Variants in SLC44A1 observed in about 807,000 individuals in gnomAD.
SLC44A1 encodes the protein choline transporter-like protein 1.
A neutral mutation model predicts 79.3 loss-of-function variants in SLC44A1; 26 were observed. The ratio of observed to expected loss-of-function variants is 0.33; its 90% CI spans 0.24 to 0.46. SLC44A1 has a LOEUF of 0.46. Ranked by LOEUF, SLC44A1 falls within the 20% of genes least tolerant of loss-of-function variation. SLC44A1 has a pLI of 1.00. For synonymous variants in SLC44A1, 263 were observed against 286.2 expected (o/e 0.92, Z 0.82); for missense variants, 688 against 798.1 (o/e 0.86, Z 1.66).
intron 3 of SLC44A1, among the ~76,000 whole-genome samples, chr9:105,311,740 C>T (rs1262602986): frequency 1.3e-5 from 2 of 152,196 alleles, no homozygotes; most frequent in Non-Finnish European, 2.9e-5. Flanking sequence ...ACTTCATCTT[C>T]TCTTACTGTA....
intron 4 of SLC44A1, among the ~76,000 whole-genome samples, chr9:105,339,849 A>G (rs1827032503): frequency 6.6e-6 from 1 of 152,068 alleles, no homozygotes; most frequent in Non-Finnish European, 1.5e-5. Flanking sequence ...AACAAAAACA[A>G]AGAAAATGTG....
At chr9:105,318,955 T>A (rs1826294507) in intron 3 of SLC44A1, among the ~76,000 whole-genome samples, 1 of 152,096 alleles carries the variant, frequency 6.6e-6, no homozygotes, top group South Asian at 2.1e-4. Flanking sequence ...CTTGAGTTGG[T>A]TCTAGGTTAC....
intron 13 of SLC44A1, among the ~76,000 whole-genome samples, chr9:105,376,326 CACACACACACACACACACACACACT>C (rs1467370881): frequency 1.8e-4 from 24 of 136,638 alleles, no homozygotes; most frequent in African/African-American, 5.6e-4. Context: ...CACACACACA[CACACACACACACACACACACACACT>C]ACACACACAC....
intron 15 of SLC44A1, among the ~76,000 whole-genome samples, chr9:105,427,824 C>T (rs186183297): frequency 3.2e-4 from 48 of 152,218 alleles, no homozygotes; most frequent in African/African-American, 9.6e-4. Context: ...TTTCCACATC[C>T]GGCAGATACT....
At chr9:105,356,123 C>A in intron 5 of SLC44A1, 89 bp from the exon 6 acceptor site, 1 of 984,436 alleles carries the variant, frequency 1.0e-6, no homozygotes, top group Non-Finnish European at 1.6e-6. Context: ...GTATTGCAGC[C>A]ATATTCACCT....
intron 2 of SLC44A1, 36 bp downstream of exon 2, chr9:105,299,345 C>T: frequency 7.0e-7 from 1 of 1,420,134 alleles, no homozygotes; most frequent in Non-Finnish European, 9.5e-7. Context: ...AAACTGGACT[C>T]ATGATCCAAG....
rs570073382 is a variant in SLC44A1 at position 105,269,530 on chromosome 9, G to A, written c.36+24626G>A. Among the ~76,000 whole-genome samples the A allele has an allele frequency of 1.8e-4, 28 of 152,264 alleles. No individual in the cohort carries two copies. The South Asian group carries it at 5.8e-3, about 32-fold the overall frequency. On this transcript the variant is annotated intron_variant, in intron 1 of 15. Coordinates refer to ENST00000374720, the MANE Select transcript of SLC44A1 (RefSeq NM_080546.5). ...AAAGGACAAGACTTTAGCCAGGAAT[G>A]GCTTACTCAGGTGCATGTGTTGGCT...
chr9:105,268,026 T>C lies in SLC44A1; in HGVS notation c.36+23122T>C, dbSNP rs114893406. On this transcript the variant is annotated intron_variant, in intron 1 of 15. Coordinates refer to ENST00000374720, the MANE Select transcript of SLC44A1 (RefSeq NM_080546.5). The stretch of plus-strand genomic sequence containing the variant: ...CTGGGACTCAAGCAGGGAAAGAAGG[T>C]TGGGGTGGGTGTTGGTTTCAATATT... Among the ~76,000 whole-genome samples the C allele has an allele frequency of 6.9e-3, 1,056 of 152,208 alleles. 10 individuals carry two copies. Among genetic ancestry groups the C allele is most frequent in the African/African-American group, 0.024 (977 of 41,532 alleles).
intron 4 of SLC44A1, among the ~76,000 whole-genome samples, chr9:105,346,070 CA>C (rs1015595719): frequency 1.3e-5 from 2 of 149,654 alleles, no homozygotes; most frequent in Non-Finnish European, 1.5e-5. Flanking sequence ...AAAAGAAAAA[CA>C]GTTGTAAAAT....
chr9:105,263,860 T>G (rs894756055), intron 1 of SLC44A1, among the ~76,000 whole-genome samples: 9 of 152,130 alleles, frequency 5.9e-5, no homozygotes, highest in African/African-American at 2.2e-4. Flanking sequence ...TTTAAAGAGT[T>G]AAGCATTTCT....
chr9:105,272,786 T>C (rs1830107180), intron 1 of SLC44A1, among the ~76,000 whole-genome samples: 1 of 152,142 alleles, frequency 6.6e-6, no homozygotes, highest in Non-Finnish European at 1.5e-5. Context: ...TAGCATTGTC[T>C]AGCACAAATG....
chr9:105,249,203 A>G (rs190078722), intron 1 of SLC44A1, among the ~76,000 whole-genome samples: 2 of 152,344 alleles, frequency 1.3e-5, no homozygotes, highest in East Asian at 3.9e-4. Flanking sequence ...TGGTTTACAA[A>G]TGCTGGTTAA....
At chr9:105,438,189 C>A in intron 15 of SLC44A1, 1 of 1,035,610 alleles carries the variant, frequency 9.7e-7, no homozygotes. Flanking sequence ...TCTTTAAAGA[C>A]GATCCCACAC....
At chr9:105,343,950 G>A (rs1827175285) in intron 4 of SLC44A1, among the ~76,000 whole-genome samples, 1 of 152,132 alleles carries the variant, frequency 6.6e-6, no homozygotes, top group African/African-American at 2.4e-5. Context: ...AATTTCTGTA[G>A]GTGGATGCTT....
intron 5 of SLC44A1, among the ~76,000 whole-genome samples, chr9:105,353,198 T>G (rs556087426): frequency 6.6e-6 from 1 of 152,254 alleles, no homozygotes; most frequent in African/African-American, 2.4e-5. Flanking sequence ...TGACATAGAT[T>G]GAATTTTGGT....
At chr9:105,431,993 G>A (rs1829404393) in intron 15 of SLC44A1, among the ~76,000 whole-genome samples, 1 of 152,162 alleles carries the variant, frequency 6.6e-6, no homozygotes, top group Non-Finnish European at 1.5e-5. Flanking sequence ...CGCAATCTTG[G>A]CTCACTGCAA....
At chr9:105,406,611 G>A (rs75443158) in intron 15 of SLC44A1, among the ~76,000 whole-genome samples, 4,387 of 152,120 alleles carry the variant, frequency 0.029, 77 homozygotes, top group African/African-American at 0.05. Context: ...ACATGGTGGC[G>A]TGCATCTGTA....
chr9:105,391,924 A>T lies in SLC44A1; in HGVS notation c.*2868A>T. On this transcript the variant is annotated 3_prime_UTR_variant, in exon 16 of 16. Coordinates refer to ENST00000374720, the MANE Select transcript of SLC44A1 (RefSeq NM_080546.5). The stretch of plus-strand genomic sequence containing the variant: ...ATTGGGGTCCTCTATTGTCAATTGT[A>T]GTAGTGACCAGAGTATCGTGGTTTT... 1 of 985,306 alleles carries T rather than the reference A, an allele frequency of 1.0e-6. No homozygotes were observed. Among genetic ancestry groups the T allele is most frequent in the Non-Finnish European group, 1.2e-6 (1 of 829,830 alleles). The allele number at this position is 985,306 out of a possible 1,614,324, so 61.0% of individuals were successfully genotyped here.
intron 12 of SLC44A1, among the ~76,000 whole-genome samples, 161 bp from the exon 13 acceptor site, chr9:105,374,437 C>T (rs1467760615): frequency 6.6e-6 from 1 of 152,160 alleles, no homozygotes; most frequent in East Asian, 1.9e-4. Context: ...GGCTTTAAAT[C>T]TTATATTTTC....
Sources: allele counts gnomAD v4.1 joint callset (sites outside exome capture counted in the v4.1 genomes callset), GRCh38; gene constraint gnomAD v4.1.1; transcripts MANE v1.5; gene names NCBI Gene and HGNC (gene_info 2026-07-23, HGNC 2026-07-21).